NDRG2: variants seen among roughly 807,000 people sequenced by gnomAD.
The protein encoded by NDRG2 is NDRG family member 2.
In NDRG2, 34 loss-of-function variants were observed where a neutral mutation model predicts 58.2. The ratio of observed to expected loss-of-function variants is 0.58; its 90% CI spans 0.44 to 0.78. The LOEUF is 0.78. Ranked by LOEUF, NDRG2 falls within the 30% of genes least tolerant of loss-of-function variation. The pLI is 0.00. For synonymous variants in NDRG2, 187 were observed against 175.9 expected (o/e 1.06, Z -0.50); for missense variants, 434 against 471.2 (o/e 0.92, Z 0.73).
At chr14:21,059,620 G>T (rs1289971601) in intron 1 of NDRG2, among the ~76,000 whole-genome samples, 1 of 151,966 alleles carries the variant, frequency 6.6e-6, no homozygotes, top group Non-Finnish European at 1.5e-5. Context: ...TCAGCCTCCT[G>T]AGTATCTGGG....
At chr14:21,066,209 G>GAGGCAGAAAAGAAAAGGAGAGAT (rs1250054974) in intron 1 of NDRG2, among the ~76,000 whole-genome samples, 1 of 152,168 alleles carries the variant, frequency 6.6e-6, no homozygotes, top group Non-Finnish European at 1.5e-5. Flanking sequence ...GGTAAAAGAT[G>GAGGCAGAAAAGAAAAGGAGAGAT]AGGCAGAAAA....
rs2139002116 is a variant in NDRG2, at chr14:21,024,033, GCTC to G, written c.-13_-11del. On this transcript the variant is annotated 5_prime_UTR_variant, in exon 1 of 16. Transcript: ENST00000556147. ...CCTGCGGGGTGGGGTCACTTACTGG[GCTC>G]CTATTGGCTGGATGCAGTGGGATTA... is the stretch of plus-strand genomic sequence containing the variant. The G allele has an allele frequency of 1.0e-6, 1 of 985,664 alleles. No homozygotes were observed. The highest frequency in any genetic ancestry group is 1.1e-4 in the East Asian group (1 of 8,814). 61.1% of individuals were successfully genotyped at this position (985,664 alleles called of 1,614,324 possible).
intron 1 of NDRG2, among the ~76,000 whole-genome samples, chr14:21,063,918 C>A (rs990747274): frequency 3.9e-5 from 6 of 152,172 alleles, no homozygotes; most frequent in Non-Finnish European, 7.3e-5. Context: ...TCTAAGTATT[C>A]AAAACTCCCT....
chr14:21,058,495 T>C (rs2139151600), intron 1 of NDRG2: 1 of 650,042 alleles, frequency 1.5e-6, no homozygotes, highest in East Asian at 2.7e-5. Flanking sequence ...ATACTCTTGG[T>C]TTCTTAGGGA....
chr14:21,031,669 G>A (rs1030750858), intron 1 of NDRG2, among the ~76,000 whole-genome samples: 2 of 151,946 alleles, frequency 1.3e-5, no homozygotes, highest in Non-Finnish European at 2.9e-5. Flanking sequence ...CTCTGCACAC[G>A]CCACACTCAT....
chr14:21,023,544 AC>A, intron 1 of NDRG2: 1 of 547,456 alleles, frequency 1.8e-6, no homozygotes, highest in Non-Finnish European at 3.3e-6. Flanking sequence ...TTCTCTTGAT[AC>A]TCACCATCCC....
rs1884213625 is a variant in NDRG2 at position 21,031,940 on chromosome 14, T to C, written c.25-8619A>G. 16 of 1,614,004 alleles carry C rather than the reference T, an allele frequency of 9.9e-6. No individual in the cohort carries two copies. The East Asian group carries it at 3.6e-4, about 36-fold the overall frequency. On this transcript the variant is annotated intron_variant, in intron 1 of 14. Transcript: ENST00000403829. The stretch of plus-strand genomic sequence containing the variant: ...GGACCGTTTGACAGACACCAGCAAG[T>C]ACACCGGCACCCACAAGGAGCGCTT...
intron 1 of NDRG2, chr14:21,042,888 G>C: frequency 1.1e-6 from 1 of 920,520 alleles, no homozygotes; most frequent in Non-Finnish European, 1.6e-6. Context: ...GTAGGGAGAT[G>C]GGTGACTAGC....
intron 15 of NDRG2, 83 bp from the exon 16 acceptor site, chr14:21,017,845 A>G: frequency 6.2e-7 from 1 of 1,603,578 alleles, no homozygotes; most frequent in Non-Finnish European, 8.5e-7. Flanking sequence ...TCCTTGGATT[A>G]TGGACTAGTT....
chr14:21,053,628 GA>G (rs1157488215), intron 1 of NDRG2, among the ~76,000 whole-genome samples: 1 of 150,298 alleles, frequency 6.7e-6, no homozygotes, highest in Admixed American at 6.6e-5. Flanking sequence ...CTCCGTCTCA[GA>G]AAAAAAAAGA....
chr14:21,019,235 G>T, intron 10 of NDRG2, 75 bp from the exon 11 acceptor site: 1 of 1,323,112 alleles, frequency 7.6e-7, no homozygotes, highest in Non-Finnish European at 1.1e-6. Context: ...TCTCTCCCAT[G>T]ATGGAACTAT....
In NDRG2 at chr14:21,020,592, A is replaced by G. The variant is rs1276887070; in HGVS notation, c.469-10T>C. On this transcript the variant is annotated splice_polypyrimidine_tract_variant and intron_variant, in intron 7 of 15. Transcript: ENST00000556147. ...TGTCCGGGTGGTTAAGCTGAGGGAC[A>G]GCAGAAGGAAGGAAATGAGAAACAG... The G allele has an allele frequency of 1.2e-6, 2 of 1,612,864 alleles. No homozygotes were observed. The highest frequency in any genetic ancestry group is 2.2e-5 in the South Asian group (2 of 90,916).
intron 1 of NDRG2, among the ~76,000 whole-genome samples, chr14:21,051,634 T>C (rs1023888946): frequency 1.3e-5 from 2 of 152,002 alleles, no homozygotes; most frequent in African/African-American, 4.8e-5. Flanking sequence ...AAGAACTACA[T>C]AGAAAAGAAA....
intron 1 of NDRG2, chr14:21,043,207 T>G (rs1445298738): frequency 1.2e-6 from 2 of 1,614,204 alleles, no homozygotes. Context: ...AACACCTTCC[T>G]GCACGAGCCT....
At chr14:21,027,368 T>C, upstream of NDRG2, among the ~76,000 whole-genome samples, 1 of 152,162 alleles carries the variant, frequency 6.6e-6, no homozygotes, top group East Asian at 1.9e-4. Flanking sequence ...ACTGTGTAGA[T>C]GAAATTCAAA....
At chr14:21,046,336 G>C (rs189068949) in intron 1 of NDRG2, among the ~76,000 whole-genome samples, 1 of 152,174 alleles carries the variant, frequency 6.6e-6, no homozygotes, top group Admixed American at 6.5e-5. Context: ...ACCAGTCTGG[G>C]CAACATAGTG....
chr14:21,033,815 GA>G, intron 1 of NDRG2: 1 of 1,589,178 alleles, frequency 6.3e-7, no homozygotes, highest in Non-Finnish European at 8.6e-7. Context: ...AGTGGCTCAG[GA>G]ATTAAATTCC....
intron 1 of NDRG2, among the ~76,000 whole-genome samples, chr14:21,037,339 C>T (rs895359373): frequency 3.9e-5 from 6 of 152,218 alleles, no homozygotes; most frequent in African/African-American, 1.2e-4. Context: ...TCATGTGCTC[C>T]GTAAGCCTGA....
intron 1 of NDRG2, among the ~76,000 whole-genome samples, chr14:21,035,101 G>A (rs1008551017): frequency 6.6e-6 from 1 of 152,232 alleles, no homozygotes; most frequent in Non-Finnish European, 1.5e-5. Context: ...CGGGAGCCCA[G>A]GAGGGCATGT....
Sources: gnomAD v4.1 joint callset for allele counts (sites outside exome capture counted in the v4.1 genomes callset) on GRCh38, gnomAD v4.1.1 for gene constraint, MANE v1.5 for transcripts, NCBI Gene and HGNC (gene_info 2026-07-23, HGNC 2026-07-21) for gene names.